The following GABBR2 variants were observed in gnomAD, a reference collection of about 807,000 sequenced individuals.
GABBR2 encodes the protein gamma-aminobutyric acid type B receptor subunit 2.
In GABBR2, 23 loss-of-function variants were observed where a neutral mutation model predicts 105.6. The observed-to-expected ratio is 0.22, with a 90% confidence interval of 0.16 to 0.31. The LOEUF is 0.31. Among genes scored for constraint, GABBR2 ranks in the 10% least tolerant of loss-of-function variants. The pLI is 1.00. For synonymous variants in GABBR2, 478 were observed against 499.7 expected (o/e 0.96, Z 0.58); for missense variants, 734 against 1,245.5 (o/e 0.59, Z 6.18).
intron 10 of GABBR2, among the ~76,000 whole-genome samples, chr9:98,386,991 C>A (rs903963882): frequency 6.6e-6 from 1 of 152,122 alleles, no homozygotes; most frequent in African/African-American, 2.4e-5. Flanking sequence ...ACACATGAAG[C>A]TGAGATGACG....
At chr9:98,576,600 A>G (rs1470226024) in intron 2 of GABBR2, among the ~76,000 whole-genome samples, 2 of 152,224 alleles carry the variant, frequency 1.3e-5, no homozygotes, top group East Asian at 3.8e-4. Flanking sequence ...TGCAAGTTAG[A>G]TAGCTTTTCT....
chr9:98,667,443 C>T (rs2131858287), intron 1 of GABBR2, among the ~76,000 whole-genome samples: 1 of 152,192 alleles, frequency 6.6e-6, no homozygotes, highest in African/African-American at 2.4e-5. Flanking sequence ...GGCTGCTGAC[C>T]AGAAGCCACC....
At chr9:98,324,543 G>C (rs1055590504) in intron 13 of GABBR2, among the ~76,000 whole-genome samples, 8 of 131,352 alleles carry the variant, frequency 6.1e-5, no homozygotes, top group Non-Finnish European at 8.4e-5. Flanking sequence ...CACACACACA[G>C]AGTAGTGCAT....
In GABBR2 at chr9:98,411,186, G is replaced by T. The variant is rs188986991; in HGVS notation, c.1237-5045C>A. Among the ~76,000 whole-genome samples the T allele has an allele frequency of 5.1e-4, 78 of 152,276 alleles. 2 individuals are homozygous for T. Among genetic ancestry groups the T allele is most frequent in the Admixed American group, 3.9e-3 (59 of 15,304 alleles). ...TGAAAGAGATGTTGCTAACGTCAAA[G>T]AAAGCAGTCTGTTTCATAAAAATCA... On this transcript the variant is annotated intron_variant, in intron 7 of 18. Transcript: ENST00000259455.
chr9:98,631,083 TAAA>T (rs1829811030), intron 1 of GABBR2, among the ~76,000 whole-genome samples: 1 of 152,126 alleles, frequency 6.6e-6, no homozygotes, highest in South Asian at 2.1e-4. Flanking sequence ...TATCTTAATA[TAAA>T]AACTACCAGT....
chr9:98,429,664 G>C (rs1244035906), intron 7 of GABBR2, among the ~76,000 whole-genome samples: 1 of 152,204 alleles, frequency 6.6e-6, no homozygotes, highest in African/African-American at 2.4e-5. Context: ...ATTACAGGAA[G>C]ACAGGACCAA....
chr9:98,658,062 C>T (rs1002783060), intron 1 of GABBR2, among the ~76,000 whole-genome samples: 3 of 152,244 alleles, frequency 2.0e-5, no homozygotes, highest in Non-Finnish European at 4.4e-5. Context: ...GCTTGCTAAG[C>T]AGCATGCTAA....
rs1419972781 is a variant in GABBR2 at position 98,549,177 on chromosome 9, C to T, written c.460-7134G>A. 3.3e-5 allele frequency among the ~76,000 whole-genome samples: 4 copies of T among 121,984 alleles called. 1 individual carries two copies. The highest frequency in any genetic ancestry group is 5.5e-5 in the Non-Finnish European group (3 of 54,170). 80.0% of individuals were successfully genotyped at this position (121,984 alleles called of 152,430 possible). On this transcript the variant is annotated intron_variant, in intron 2 of 18. Coordinates refer to ENST00000259455, the MANE Select transcript of GABBR2 (RefSeq NM_005458.8). ...GACAGGCTGGTCTTGCGCTCCTGAC[C>T]TCAGGTGATCCACCTGCTTTGGCCT...
At chr9:98,578,109 G>GA (rs1261981901) in intron 1 of GABBR2, 37 bp from the exon 2 acceptor site, 1 of 1,610,582 alleles carries the variant, frequency 6.2e-7, no homozygotes, top group East Asian at 2.2e-5. Context: ...GTCCAAATTA[G>GA]AAACAGCTTT....
In GABBR2 at chr9:98,306,814, C is replaced by T. The variant is rs1465881361; in HGVS notation, c.2005-469G>A. On this transcript the variant is annotated intron_variant, in intron 14 of 18. Transcript: ENST00000259455. This position sits in a 1 kb window ranked among gnomAD's most constrained non-coding sequence, Gnocchi z 5.4. ...AGCAGATCCCTTGTGTCTGAGACTT[C>T]TATTGTCCCCAAGCACACACAGACA... is the stretch of plus-strand genomic sequence containing the variant. Among the ~76,000 whole-genome samples, 1 of 152,170 alleles carries T rather than the reference C, an allele frequency of 6.6e-6. No individual in the cohort carries two copies. The highest frequency in any genetic ancestry group is 1.5e-5 in the Non-Finnish European group (1 of 68,040).
At chr9:98,625,744 G>T (rs903026501) in intron 1 of GABBR2, among the ~76,000 whole-genome samples, 1 of 152,138 alleles carries the variant, frequency 6.6e-6, no homozygotes, top group Admixed American at 6.5e-5. Context: ...ATATTCTCCT[G>T]TCCCCACAGG....
chr9:98,535,927 CA>C (rs1320931305), intron 3 of GABBR2, among the ~76,000 whole-genome samples: 1 of 151,946 alleles, frequency 6.6e-6, no homozygotes, highest in Non-Finnish European at 1.5e-5. Flanking sequence ...CACATTTGTC[CA>C]AAACCATTCA....
At chr9:98,707,356 A>G (rs1040897574) in intron 1 of GABBR2, 2 of 152,258 alleles carry the variant, frequency 1.3e-5, no homozygotes, top group African/African-American at 4.8e-5. Context: ...TGCACAGGAA[A>G]TCACTGCCCC....
At chr9:98,471,945 C>T (rs1826691112) in intron 6 of GABBR2, among the ~76,000 whole-genome samples, 1 of 152,172 alleles carries the variant, frequency 6.6e-6, no homozygotes, top group African/African-American at 2.4e-5. Flanking sequence ...TCAACATTTT[C>T]TAACCAGGTG....
intron 9 of GABBR2, among the ~76,000 whole-genome samples, chr9:98,390,203 C>T (rs1204464384): frequency 2.0e-5 from 3 of 151,814 alleles, no homozygotes; most frequent in Admixed American, 6.6e-5. Context: ...GGGGAAACCC[C>T]GTCTCTACCG....
intron 1 of GABBR2, among the ~76,000 whole-genome samples, chr9:98,584,702 C>T (rs1005247057): frequency 1.3e-4 from 20 of 151,994 alleles, no homozygotes; most frequent in African/African-American, 4.8e-4. Context: ...TGTAAAAATG[C>T]CAAGAAAATG....
intron 11 of GABBR2, among the ~76,000 whole-genome samples, chr9:98,375,978 T>C (rs1831865984): frequency 1.3e-5 from 2 of 152,260 alleles, no homozygotes; most frequent in Non-Finnish European, 2.9e-5. Flanking sequence ...TCCTAAAGTC[T>C]TACGTGTGTT....
intron 1 of GABBR2, among the ~76,000 whole-genome samples, chr9:98,701,661 G>A (rs1287748962): frequency 2.0e-5 from 3 of 152,120 alleles, no homozygotes; most frequent in African/African-American, 7.2e-5. Context: ...ACCCTCAAGA[G>A]CTGCCAGCCA....
intron 13 of GABBR2, among the ~76,000 whole-genome samples, chr9:98,325,704 C>T (rs1830910502): frequency 6.6e-6 from 1 of 152,166 alleles, no homozygotes; most frequent in African/African-American, 2.4e-5. Context: ...TGCCTAGCAC[C>T]CTGTTCACCT....
Sources: allele counts gnomAD v4.1 joint callset (sites outside exome capture counted in the v4.1 genomes callset), GRCh38; gene constraint gnomAD v4.1.1; non-coding constraint Gnocchi (gnomAD v3.1); transcripts MANE v1.5; gene names NCBI Gene and HGNC (gene_info 2026-07-23, HGNC 2026-07-21).